NCOA6: variants seen among roughly 807,000 people sequenced by gnomAD.
NCOA6 encodes the protein NRC RAP250.
NCOA6 carries 49 observed loss-of-function variants against 171.4 expected under a neutral mutation model. The ratio of observed to expected loss-of-function variants is 0.29; its 90% CI spans 0.23 to 0.36. NCOA6 has a LOEUF of 0.36. NCOA6 is among the 10% of genes least tolerant of loss of function. The probability of loss-of-function intolerance (pLI) is 1.00; values close to 1 mark genes in which losing one functional copy is unlikely to be tolerated. For missense variants in NCOA6, 2,248 were observed against 2,554.5 expected (o/e 0.88, Z 2.59); for synonymous variants, 910 against 927.5 (o/e 0.98, Z 0.34).
intron 14 of NCOA6, among the ~76,000 whole-genome samples, chr20:34,719,617 C>T (rs988337432): frequency 3.3e-5 from 5 of 149,932 alleles, no homozygotes; most frequent in African/African-American, 9.8e-5. Context: ...GGCGACAATC[C>T]GAGACTGTCT....
Position 34,741,959 on chromosome 20 carries a change from T to A in NCOA6, c.4297A>T (p.Arg1433Trp), listed in dbSNP as rs777841708. ...QDSDCQNSQSRKEQVNIELKA... is the reference protein window; with the variant it reads ...QDSDCQNSQSWKEQVNIELKA... Reference sequence around the variant, plus strand: ...AGTTCAATGTTTACCTGTTCCTTCCTACTCTGGGAATTCTGGCAATCACTG... The same window carrying A: ...AGTTCAATGTTTACCTGTTCCTTCCAACTCTGGGAATTCTGGCAATCACTG... Residue 1433 changes from arginine (R) to tryptophan (W), a missense_variant, in exon 11 of 15, where the codon AGG becomes TGG. By Grantham distance (101) the Arg-to-Trp change is moderately radical. Transcript: ENST00000359003. 1.6e-5 allele frequency: 26 copies of A among 1,614,110 alleles called. No homozygotes were observed. The highest frequency in any genetic ancestry group is 2.2e-5 in the Non-Finnish European group (26 of 1,180,046).
At chr20:34,801,769 G>A (rs1162532584) in intron 1 of NCOA6, among the ~76,000 whole-genome samples, 2 of 152,214 alleles carry the variant, frequency 1.3e-5, no homozygotes, top group African/African-American at 2.4e-5. Context: ...GGAGGCTGAG[G>A]CAGGAGAATC....
rs2077920501 is a variant in NCOA6, at chr20:34,792,517, T to C, written c.-117A>G. 2.5e-6 allele frequency: 1 copy of C among 398,688 alleles called. No homozygotes were observed. Among genetic ancestry groups the C allele is most frequent in the African/African-American group, 2.1e-5 (1 of 48,610 alleles). 24.7% of individuals were successfully genotyped at this position (398,688 alleles called of 1,614,324 possible). On this transcript the variant is annotated 5_prime_UTR_variant, in exon 2 of 15. Coordinates refer to ENST00000359003, the MANE Select transcript of NCOA6 (RefSeq NM_014071.5). ...TCTAAGTCCAAAGAAGCTGGCATTT[T>C]TAGGGCTTGGATTTCAAGGTAGCAG... is the stretch of plus-strand genomic sequence containing the variant.
intron 1 of NCOA6, among the ~76,000 whole-genome samples, chr20:34,823,850 A>G (rs2079078915): frequency 6.6e-6 from 1 of 152,134 alleles, no homozygotes. Flanking sequence ...CTACAAGTAC[A>G]AGCCACATCA....
At chr20:34,729,249 C>T (rs1345860230) in intron 13 of NCOA6, among the ~76,000 whole-genome samples, 1 of 152,178 alleles carries the variant, frequency 6.6e-6, no homozygotes, top group Non-Finnish European at 1.5e-5. Flanking sequence ...CAACGCCCAG[C>T]CCTATACACA....
Position 34,751,683 on chromosome 20 carries a change from C to T in NCOA6, c.1676-1164G>A, listed in dbSNP as rs955252286. Among the ~76,000 whole-genome samples the T allele has an allele frequency of 1.6e-4, 25 of 152,174 alleles. No homozygotes were observed. In the South Asian group the frequency reaches 2.7e-3, roughly 16 times the overall value. On this transcript the variant is annotated intron_variant, in intron 8 of 14. Transcript: ENST00000359003. The stretch of plus-strand genomic sequence containing the variant: ...ATAAAACCTCAGTGACCCTCTCCTG[C>T]GCAGTCCCTGGTGAATCATGTGGCA...
chr20:34,825,263 C>T (rs1437337065), intron 1 of NCOA6, among the ~76,000 whole-genome samples: 4 of 150,672 alleles, frequency 2.7e-5, no homozygotes, highest in Admixed American at 2.0e-4. Flanking sequence ...AGGCCTGGGG[C>T]CCGCTCCCCA....
intron 1 of NCOA6, among the ~76,000 whole-genome samples, chr20:34,795,725 G>C (rs1439632488): frequency 6.6e-6 from 1 of 152,174 alleles, no homozygotes; most frequent in Non-Finnish European, 1.5e-5. Context: ...AATTTTTTAG[G>C]CAGCTGGGGG....
At position 34,742,741 on chromosome 20, in the gene NCOA6, G is replaced by T; in HGVS notation, c.3515C>A (p.Pro1172His). 6.2e-7 allele frequency: 1 copy of T among 1,614,108 alleles called. No homozygotes were observed. The highest frequency in any genetic ancestry group is 8.5e-7 in the Non-Finnish European group (1 of 1,180,018). ...AGTTGCACCTTGAGTTGCTGAAAGGGGCGATGGTCCAGGTTTTGGCCCTGT... is the reference window on the plus strand; with the variant it reads ...AGTTGCACCTTGAGTTGCTGAAAGGTGCGATGGTCCAGGTTTTGGCCCTGT... ...MMTGPKPGPS[P>H]LSATQGATPQ... The change falls in exon 11 of 15, where the codon CCC becomes CAC. Residue 1172 changes from proline (P) to histidine (H), a missense_variant. By Grantham distance (77) the Pro-to-His change is moderately conservative. Coordinates refer to ENST00000359003, the MANE Select transcript of NCOA6 (RefSeq NM_014071.5).
chr20:34,746,705 TAGC>T, intron 10 of NCOA6, 99 bp downstream of exon 10: 1 of 1,304,436 alleles, frequency 7.7e-7, no homozygotes, highest in Non-Finnish European at 1.0e-6. Flanking sequence ...GTAGACTAGT[TAGC>T]AGATAAAATA....
chr20:34,736,813 G>A, intron 11 of NCOA6, 55 bp from the exon 12 acceptor site: 2 of 1,495,188 alleles, frequency 1.3e-6, no homozygotes, highest in Admixed American at 2.0e-5. Context: ...TAAACAAAAA[G>A]AAAGCATTAA....
chr20:34,814,718 A>G (rs891423364), intron 1 of NCOA6, among the ~76,000 whole-genome samples: 6 of 152,078 alleles, frequency 3.9e-5, no homozygotes, highest in Non-Finnish European at 7.4e-5. Flanking sequence ...GAGCCTCCCA[A>G]GTAGCTGGGA....
chr20:34,770,086 C>CTGAA (rs1349960773), intron 4 of NCOA6, among the ~76,000 whole-genome samples: 1 of 151,386 alleles, frequency 6.6e-6, no homozygotes, highest in Non-Finnish European at 1.5e-5. Flanking sequence ...TGTCGCCAGG[C>CTGAA]TGAAGCGCAG....
At chr20:34,770,945 G>A (rs2077131707) in intron 4 of NCOA6, among the ~76,000 whole-genome samples, 1 of 151,996 alleles carries the variant, frequency 6.6e-6, no homozygotes, top group Non-Finnish European at 1.5e-5. Context: ...AAACTTCTTA[G>A]CCTATACAAG....
intron 1 of NCOA6, chr20:34,821,525 A>T (rs921268246): frequency 1.3e-5 from 2 of 151,540 alleles, no homozygotes; most frequent in African/African-American, 4.9e-5. Flanking sequence ...AAACTCTATT[A>T]CTCTGCCAAA....
In NCOA6 at chr20:34,776,502, G is replaced by C. The variant is rs1028272863; in HGVS notation, c.236-54C>G. The C allele has an allele frequency of 1.9e-6, 3 of 1,590,546 alleles. No homozygotes were observed. The African/African-American group carries it at 4.0e-5, about 21-fold the overall frequency. ...TAATAATCTTTTAGCCACCAGAGGA[G>C]ATGGAATTAAAAAACAAACCAAAAG... On this transcript the variant is annotated intron_variant, in intron 3 of 14. Transcript: ENST00000359003.
Position 34,740,518 on chromosome 20 carries a change from C to G in NCOA6, c.5738G>C (p.Ser1913Thr), listed in dbSNP as rs146290271. Residue 1913 changes from serine to threonine, a missense_variant, in exon 11 of 15, where the codon AGT (serine) becomes ACT (threonine). Coordinates refer to ENST00000359003, the MANE Select transcript of NCOA6 (RefSeq NM_014071.5). Reference protein sequence around the residue: ...PSLPGGALPTSVRSIVTTLVP... With the variant: ...PSLPGGALPTTVRSIVTTLVP... ...CAGAGTGGTTACTATCGAGCGTACACTGGTGGGGAGAGCACCGCCAGGTAA... is the reference window on the plus strand; with the variant it reads ...CAGAGTGGTTACTATCGAGCGTACAGTGGTGGGGAGAGCACCGCCAGGTAA... 3.9e-4 allele frequency: 626 copies of G among 1,614,200 alleles called. 1 individual carries two copies. In the African/African-American group the frequency reaches 7.5e-3, roughly 19 times the overall value.
intron 8 of NCOA6, among the ~76,000 whole-genome samples, chr20:34,751,092 C>T (rs1392737410): frequency 2.0e-5 from 3 of 149,054 alleles, no homozygotes; most frequent in Non-Finnish European, 4.5e-5. Context: ...AAGTGTCGGC[C>T]GGGCGCGGTG....
intron 13 of NCOA6, among the ~76,000 whole-genome samples, chr20:34,731,726 A>C (rs528722738): frequency 2.0e-4 from 30 of 152,348 alleles, no homozygotes; most frequent in African/African-American, 7.2e-4. Flanking sequence ...TATCCAGTGC[A>C]TTCCTACACT....
Sources: allele counts gnomAD v4.1 joint callset (sites outside exome capture counted in the v4.1 genomes callset), GRCh38; gene constraint gnomAD v4.1.1; transcripts MANE v1.5; gene names NCBI Gene and HGNC (gene_info 2026-07-23, HGNC 2026-07-21).